Variants in HIVEP3 observed in about 807,000 individuals in gnomAD.
The protein encoded by HIVEP3 is HIVEP zinc finger 3, also known as transcription factor HIVEP3.
In HIVEP3, 49 loss-of-function variants were observed where a neutral mutation model predicts 152.8. That is an observed-to-expected ratio of 0.32 (90% CI 0.26 to 0.41). The LOEUF is 0.41. Among genes scored for constraint, HIVEP3 ranks in the 10% least tolerant of loss-of-function variants. The probability of loss-of-function intolerance (pLI) is 1.00; values close to 1 mark genes in which losing one functional copy is unlikely to be tolerated. For synonymous variants in HIVEP3, 1,269 were observed against 1,289.0 expected (o/e 0.98, Z 0.33); for missense variants, 2,790 against 3,103.3 (o/e 0.90, Z 2.40).
At chr1:41,531,632 C>T (rs866246739) in intron 5 of HIVEP3, among the ~76,000 whole-genome samples, 2 of 12,230 alleles carry the variant, frequency 1.6e-4, no homozygotes, top group African/African-American at 2.9e-4. Context: ...AGATGGAAGA[C>T]GGGAGATGGA....
Position 41,512,944 on chromosome 1 carries a change from C to T in HIVEP3, c.6277G>A (p.Gly2093Arg), listed in dbSNP as rs766782121. ...TCCCCCGCTGAGGGGCTGCCCGGCC[C>T]AGCCAAGGCCCACTTCCCTGGCGGC... ...SAPPGKWALA[G>R]PGSPSAGEHG... The change falls in exon 8 of 9, where the codon GGG becomes AGG. Residue 2093 changes from glycine to arginine, a missense_variant. Around this residue, in one of 9 missense-constraint regions of HIVEP3, gnomAD observed 816 missense variants for 806.5 expected, o/e 1.01. Transcript: ENST00000372583. 8 of 1,607,156 alleles carry T rather than the reference C, an allele frequency of 5.0e-6. No individual in the cohort carries two copies. The Admixed American group carries it at 1.2e-4, about 24-fold the overall frequency.
At chr1:41,830,377 G>A (rs1315384051) in intron 1 of HIVEP3, among the ~76,000 whole-genome samples, 1 of 152,220 alleles carries the variant, frequency 6.6e-6, no homozygotes, top group East Asian at 1.9e-4. Context: ...GTCCTTCAGT[G>A]GGAGAAACCT....
At chr1:41,888,726 CCA>C (rs374637170) in intron 1 of HIVEP3, among the ~76,000 whole-genome samples, 6 of 115,650 alleles carry the variant, frequency 5.2e-5, no homozygotes, top group Non-Finnish European at 8.9e-5. Context: ...CACACACATA[CCA>C]CACACACACA....
Position 41,662,914 on chromosome 1 carries a change from C to T in HIVEP3, c.-720-33967G>A, listed in dbSNP as rs927879542. Among the ~76,000 whole-genome samples the T allele has an allele frequency of 1.3e-5, 2 of 152,102 alleles. No homozygotes were observed. Among genetic ancestry groups the T allele is most frequent in the Admixed American group, 6.5e-5 (1 of 15,306 alleles). The stretch of plus-strand genomic sequence containing the variant: ...GGTGCCAGCCGGGCTCCGGGAAGCC[C>T]GCGCCTCCCCAGGCGGGAATCCGCT... On this transcript the variant is annotated intron_variant, in intron 2 of 8. Transcript: ENST00000372583. The surrounding 1 kb of genome is among the most constrained non-coding windows in gnomAD (Gnocchi z 7.2).
At chr1:41,891,440 G>A (rs1185581500) in intron 1 of HIVEP3, among the ~76,000 whole-genome samples, 1 of 152,196 alleles carries the variant, frequency 6.6e-6, no homozygotes, top group Non-Finnish European at 1.5e-5. Flanking sequence ...AAGTGGTGGT[G>A]TCACGGGGCA....
At chr1:42,016,282 T>C (rs1557563143) in intron 1 of HIVEP3, among the ~76,000 whole-genome samples, 1 of 152,044 alleles carries the variant, frequency 6.6e-6, no homozygotes, top group African/African-American at 2.4e-5. Flanking sequence ...GCAGGGTGCA[T>C]ATGGAAGGTC....
intron 1 of HIVEP3, among the ~76,000 whole-genome samples, chr1:41,819,965 T>C (rs1642540787): frequency 1.3e-5 from 2 of 152,190 alleles, no homozygotes; most frequent in African/African-American, 4.8e-5. Flanking sequence ...CCTGCCATTG[T>C]AAAGCAAAAG....
rs1335708942 is a variant in HIVEP3 at position 41,859,206 on chromosome 1, T to C, written c.-801+59207A>G. Among the ~76,000 whole-genome samples the C allele has an allele frequency of 3.3e-5, 5 of 152,274 alleles. No individual in the cohort carries two copies. In the East Asian group the frequency reaches 7.7e-4, roughly 24 times the overall value. On this transcript the variant is annotated intron_variant, in intron 1 of 8. Coordinates refer to ENST00000372583, the MANE Select transcript of HIVEP3 (RefSeq NM_024503.5). ...TTTATCATTAGTCTCCCCTGTGGCA[T>C]GGAAGCTGGGCCTGGCCAGTTTTCT... is the stretch of plus-strand genomic sequence containing the variant.
At chr1:41,870,322 C>A (rs1177669849) in intron 1 of HIVEP3, among the ~76,000 whole-genome samples, 1 of 152,074 alleles carries the variant, frequency 6.6e-6, no homozygotes, top group Non-Finnish European at 1.5e-5. Flanking sequence ...GATTACTGAC[C>A]CCCTAGTATG....
At chr1:41,859,917 G>C (rs139122196) in intron 1 of HIVEP3, among the ~76,000 whole-genome samples, 56 of 152,346 alleles carry the variant, frequency 3.7e-4, no homozygotes, top group Admixed American at 6.5e-4. Flanking sequence ...CTACCGCTGG[G>C]AAGGGTTGAG....
chr1:41,838,862 AAAC>A (rs1189823531), intron 1 of HIVEP3, among the ~76,000 whole-genome samples: 4 of 152,318 alleles, frequency 2.6e-5, no homozygotes, highest in South Asian at 2.1e-4. Context: ...TCAGTCTGCG[AAAC>A]AACAATAGCA....
At chr1:41,694,302 C>G (rs2124115019) in intron 2 of HIVEP3, among the ~76,000 whole-genome samples, 1 of 152,264 alleles carries the variant, frequency 6.6e-6, no homozygotes, top group African/African-American at 2.4e-5. Context: ...CAGCACTCGG[C>G]CTTTTGCATG....
At chr1:41,517,369 C>T (rs987691802) in intron 7 of HIVEP3, among the ~76,000 whole-genome samples, 5 of 152,172 alleles carry the variant, frequency 3.3e-5, no homozygotes. Flanking sequence ...CCCAGTGTAT[C>T]CTTGACAAGC....
intron 3 of HIVEP3, among the ~76,000 whole-genome samples, chr1:41,623,527 G>T (rs1293593949): frequency 6.6e-6 from 1 of 152,180 alleles, no homozygotes; most frequent in African/African-American, 2.4e-5. Context: ...AAGCACAGGG[G>T]TTTTTCTATC....
chr1:42,028,935 G>C (rs1645597012), intron 1 of HIVEP3, among the ~76,000 whole-genome samples: 1 of 152,150 alleles, frequency 6.6e-6, no homozygotes, highest in Non-Finnish European at 1.5e-5. Flanking sequence ...GGGGAACATG[G>C]GGCCAATGTC....
At chr1:41,832,495 C>T (rs949130370) in intron 1 of HIVEP3, among the ~76,000 whole-genome samples, 3 of 152,206 alleles carry the variant, frequency 2.0e-5, no homozygotes, top group African/African-American at 4.8e-5. Flanking sequence ...CATGCCACTG[C>T]ACTCCAGCCT....
intron 1 of HIVEP3, among the ~76,000 whole-genome samples, chr1:41,916,311 T>C (rs6667746): frequency 0.024 from 3,597 of 152,230 alleles, 70 homozygotes; most frequent in Non-Finnish European, 0.026. Flanking sequence ...TTCACAGTAG[T>C]AGTTGGCCCT....
chr1:41,810,119 AC>A (rs1650864688), intron 1 of HIVEP3, among the ~76,000 whole-genome samples: 1 of 152,052 alleles, frequency 6.6e-6, no homozygotes, highest in Admixed American at 6.5e-5. Context: ...GTCAGGCCTC[AC>A]CCTCCATCTC....
chr1:41,510,561 T>C lies in HIVEP3; in HGVS notation c.7111A>G (p.Asn2371Asp). The C allele has an allele frequency of 6.4e-7, 1 of 1,568,468 alleles. No homozygotes were observed. The highest frequency in any genetic ancestry group is 8.6e-7 in the Non-Finnish European group (1 of 1,156,762). The change falls in exon 9 of 9, where the codon AAC becomes GAC. Residue 2371 changes from asparagine to aspartate, a missense_variant. By Grantham distance (23) the Asn-to-Asp change is conservative. This residue lies in a region of HIVEP3 where 816 missense variants were observed against 806.5 expected (regional missense o/e 1.01). Transcript: ENST00000372583. ...ASARFPARTR[N>D]LSGEPRTRQD... is the part of the protein sequence containing the mutation. ...CTGGTCCTGGGTTCCCCGGAGAGGTTCCTCGTCCGGGCTGGGAAGCGGGCA... is the reference window on the plus strand; with the variant it reads ...CTGGTCCTGGGTTCCCCGGAGAGGTCCCTCGTCCGGGCTGGGAAGCGGGCA...
Sources: allele counts gnomAD v4.1 joint callset (sites outside exome capture counted in the v4.1 genomes callset), GRCh38; gene constraint gnomAD v4.1.1; regional missense constraint gnomAD v4.1.1; non-coding constraint Gnocchi (gnomAD v3.1); transcripts MANE v1.5; gene names NCBI Gene and HGNC (gene_info 2026-07-23, HGNC 2026-07-21).